Variants in PRUNE1 observed in about 807,000 individuals in gnomAD.
PRUNE1 encodes the protein prune exopolyphosphatase 1.
In PRUNE1, 25 loss-of-function variants were observed where a neutral mutation model predicts 42.5. That is an observed-to-expected ratio of 0.59 (90% confidence interval 0.43 to 0.82). The LOEUF is 0.82. Among genes scored for constraint, PRUNE1 ranks in the 40% least tolerant of loss-of-function variants. The probability of loss-of-function intolerance (pLI) is 0.00; values close to 1 mark genes in which losing one functional copy is unlikely to be tolerated. For synonymous variants in PRUNE1, 203 were observed against 217.1 expected, an observed-to-expected ratio of 0.93 and a Z score of 0.57; for missense variants, 443 against 539.3, an observed-to-expected ratio of 0.82 and a Z score of 1.77.
chr1:151,031,368 G>T (rs1393866903), intron 7 of PRUNE1, among the ~76,000 whole-genome samples: 10 of 151,592 alleles, frequency 6.6e-5, no homozygotes, highest in African/African-American at 2.4e-4. Context: ...TGTATTTTTT[G>T]TAGGGACAGA....
intron 7 of PRUNE1, among the ~76,000 whole-genome samples, chr1:151,031,764 C>T (rs145357470): frequency 6.6e-6 from 1 of 152,168 alleles, no homozygotes; most frequent in African/African-American, 2.4e-5. Context: ...ATTCTAGTTC[C>T]ATCCTAGTTC....
intron 5 of PRUNE1, among the ~76,000 whole-genome samples, chr1:151,026,644 A>T (rs587649414): frequency 1.3e-5 from 2 of 152,190 alleles, no homozygotes; most frequent in African/African-American, 4.8e-5. Flanking sequence ...GTATTCTTGT[A>T]CTCAGCTACC....
At chr1:151,011,749 G>A (rs1673780965) in intron 1 of PRUNE1, among the ~76,000 whole-genome samples, 1 of 151,630 alleles carries the variant, frequency 6.6e-6, no homozygotes, top group Non-Finnish European at 1.5e-5. Flanking sequence ...TTCAACTAGT[G>A]GGTGTTTATT....
intron 7 of PRUNE1, among the ~76,000 whole-genome samples, chr1:151,029,404 G>A (rs1324466667): frequency 8.3e-6 from 1 of 120,442 alleles, no homozygotes; most frequent in Non-Finnish European, 1.6e-5. Context: ...GTCTTGTGCT[G>A]TTGCCCAGGC....
intron 3 of PRUNE1, among the ~76,000 whole-genome samples, chr1:151,019,367 G>A (rs1485974403): frequency 6.6e-6 from 1 of 152,030 alleles, no homozygotes; most frequent in Non-Finnish European, 1.5e-5. Flanking sequence ...AGACCCGCCT[G>A]AGCAACATGG....
intron 1 of PRUNE1, 54 bp from the exon 2 acceptor site, chr1:151,017,758 A>G: frequency 8.7e-7 from 1 of 1,155,768 alleles, no homozygotes; most frequent in Non-Finnish European, 1.2e-6. Flanking sequence ...AAAAAAGATA[A>G]GTGGAAATGA....
At position 151,028,783 on chromosome 1, in the gene PRUNE1, C is replaced by T. The variant is rs372922207; in HGVS notation, c.775-3C>T. 6 of 1,612,774 alleles carry T rather than the reference C, an allele frequency of 3.7e-6. No individual in the cohort carries two copies. The highest frequency in any genetic ancestry group is 5.1e-6 in the Non-Finnish European group (6 of 1,179,512). The stretch of plus-strand genomic sequence containing the variant: ...TCATCCCTCTCCGTTTCTTCCCTTT[C>T]AGGCCTTTCTGCAGAGGTCTAACCT... On this transcript the variant is annotated splice_region_variant and splice_polypyrimidine_tract_variant and intron_variant, in intron 6 of 7. Transcript: ENST00000271620.
chr1:151,027,271 A>C lies in PRUNE1; in HGVS notation c.718A>C (p.Thr240Pro). 1 of 1,611,902 alleles carries C rather than the reference A, an allele frequency of 6.2e-7. No individual in the cohort carries two copies. The highest frequency in any genetic ancestry group is 8.5e-7 in the Non-Finnish European group (1 of 1,178,060). ...TEQMLRKDQK[T>P]IYRQGVKVAI... ...GCAGATGCTGAGAAAAGACCAGAAG[A>C]CTATCTATAGACAAGGCGTCAAGGT... The change falls in exon 6 of 8, where the codon ACT becomes CCT. Residue 240 changes from threonine (T) to proline (P), a missense_variant. Physicochemically the swap from Thr to Pro is conservative, Grantham distance 38. Coordinates refer to ENST00000271620, the MANE Select transcript of PRUNE1 (RefSeq NM_021222.3).
chr1:151,012,418 A>T (rs587621323), intron 1 of PRUNE1, among the ~76,000 whole-genome samples: 3 of 152,210 alleles, frequency 2.0e-5, no homozygotes. Flanking sequence ...TTTCATTCTC[A>T]TAAGCGTCCC....
chr1:151,029,574 A>G (rs1255597202), intron 7 of PRUNE1, among the ~76,000 whole-genome samples: 1 of 151,448 alleles, frequency 6.6e-6, no homozygotes, highest in Non-Finnish European at 1.5e-5. Flanking sequence ...TCACCGTGTT[A>G]GCCAGGATAG....
intron 4 of PRUNE1, 93 bp from the exon 5 acceptor site, chr1:151,025,422 T>C: frequency 7.9e-7 from 1 of 1,271,318 alleles, no homozygotes; most frequent in Non-Finnish European, 1.1e-6. Flanking sequence ...AATCTCCTTG[T>C]GTGTGTCCAT....
intron 1 of PRUNE1, among the ~76,000 whole-genome samples, chr1:151,010,245 G>A (rs1673686879): frequency 6.6e-6 from 1 of 151,842 alleles, no homozygotes; most frequent in Non-Finnish European, 1.5e-5. Context: ...CACCACGCAG[G>A]GCTAATTTTT....
intron 1 of PRUNE1, 142 bp downstream of exon 1, chr1:151,008,813 T>C: frequency 2.8e-6 from 3 of 1,077,256 alleles, no homozygotes; most frequent in Non-Finnish European, 4.2e-6. Flanking sequence ...TGATCAGTTT[T>C]GGGGCATGAG....
At chr1:151,014,066 G>A (rs140066304) in intron 1 of PRUNE1, among the ~76,000 whole-genome samples, 2,220 of 151,182 alleles carry the variant, frequency 0.015, 51 homozygotes, top group African/African-American at 0.049. Context: ...TGCAACCTCC[G>A]CCTCCCGGGT....
chr1:151,018,265 T>G, intron 2 of PRUNE1: 1 of 743,684 alleles, frequency 1.3e-6, no homozygotes, highest in Non-Finnish European at 2.4e-6. Context: ...GTATTTACCA[T>G]GAGTTACCTT....
intron 1 of PRUNE1, among the ~76,000 whole-genome samples, chr1:151,015,700 A>C (rs1049916117): frequency 1.3e-5 from 2 of 150,424 alleles, no homozygotes; most frequent in African/African-American, 4.9e-5. Flanking sequence ...GCTACTCAGG[A>C]GGCTGAGATG....
intron 1 of PRUNE1, among the ~76,000 whole-genome samples, chr1:151,015,922 C>T (rs1674080885): frequency 6.6e-6 from 1 of 152,162 alleles, no homozygotes; most frequent in Non-Finnish European, 1.5e-5. Flanking sequence ...CCCATCCTCT[C>T]TCAGAACCAG....
intron 7 of PRUNE1, among the ~76,000 whole-genome samples, chr1:151,032,839 T>C (rs150387189): frequency 6.6e-6 from 1 of 151,716 alleles, no homozygotes; most frequent in African/African-American, 2.4e-5. Context: ...AATGGTGAGA[T>C]CTCGGCTCAC....
At chr1:151,032,103 G>A (rs749256093) in intron 7 of PRUNE1, among the ~76,000 whole-genome samples, 1 of 151,712 alleles carries the variant, frequency 6.6e-6, no homozygotes, top group Non-Finnish European at 1.5e-5. Context: ...AAATTAGCTG[G>A]GCATGATGGC....
Sources: gnomAD v4.1 joint callset for allele counts (sites outside exome capture counted in the v4.1 genomes callset) on GRCh38, gnomAD v4.1.1 for gene constraint, MANE v1.5 for transcripts, NCBI Gene and HGNC (gene_info 2026-07-23, HGNC 2026-07-21) for gene names.